PIEZO1: variants seen among roughly 807,000 people sequenced by gnomAD.
The protein encoded by PIEZO1 is piezo-type mechanosensitive ion channel component 1.
PIEZO1 carries 296 observed loss-of-function variants against 297.2 expected under a neutral mutation model. The ratio of observed to expected loss-of-function variants is 1.00; its 90% CI spans 0.91 to 1.10. The LOEUF is 1.10. Ranked by LOEUF, PIEZO1 falls within the 50% of genes least tolerant of loss-of-function variation. The pLI, the probability that PIEZO1 is intolerant of heterozygous loss-of-function variation, is 0.00. For missense variants in PIEZO1, 5,018 were observed against 3,455.5 expected (o/e 1.45, Z -11.34); for synonymous variants, 2,427 against 1,507.5 (o/e 1.61, Z -14.13).
Position 88,723,317 on chromosome 16 carries a change from C to T in PIEZO1, c.4347G>A (p.Gln1449=). 6.5e-7 allele frequency: 1 copy of T among 1,538,652 alleles called. No individual in the cohort carries two copies. ...SAQSAFQLAY[Q]AWVTNAQAVL... is the part of the protein sequence containing the mutation. ...CCGCCTGGGCGTTGGTCACCCATGCCTGGTACGCCAGCTGTCGGCCAGCCC... is the reference window on the plus strand; with the variant it reads ...CCGCCTGGGCGTTGGTCACCCATGCTTGGTACGCCAGCTGTCGGCCAGCCC... The change falls in exon 32 of 51, where the codon CAG becomes CAA. Residue 1449 remains glutamine, a synonymous_variant. Coordinates refer to ENST00000301015, the MANE Select transcript of PIEZO1 (RefSeq NM_001142864.4).
intron 1 of PIEZO1, among the ~76,000 whole-genome samples, chr16:88,764,543 G>C (rs1907080131): frequency 6.6e-6 from 1 of 152,092 alleles, no homozygotes; most frequent in Non-Finnish European, 1.5e-5. Context: ...ATGAGGTCAG[G>C]AGTTCGAGAC....
chr16:88,759,335 G>A lies in PIEZO1; in HGVS notation c.65-9856C>T, dbSNP rs150998259. Reference sequence around the variant, plus strand: ...AGCATGGGAAGCTCTGAAAGGGGCCGGGTGAGGGCAGGCGAGGATCAGAGT... The same window carrying A: ...AGCATGGGAAGCTCTGAAAGGGGCCAGGTGAGGGCAGGCGAGGATCAGAGT... On this transcript the variant is annotated intron_variant, in intron 1 of 50. Transcript: ENST00000301015. Among the ~76,000 whole-genome samples the A allele has an allele frequency of 3.6e-3, 555 of 152,328 alleles. 2 individuals are homozygous for A. The highest frequency in any genetic ancestry group is 0.013 in the African/African-American group (533 of 41,558).
chr16:88,757,831 A>G (rs1356488753), intron 1 of PIEZO1, among the ~76,000 whole-genome samples: 1 of 151,968 alleles, frequency 6.6e-6, no homozygotes. Flanking sequence ...CCAGCAAGAG[A>G]CTCAAGTCAC....
chr16:88,727,244 G>A, intron 23 of PIEZO1, 52 bp from the exon 24 acceptor site: 2 of 1,475,616 alleles, frequency 1.4e-6, no homozygotes, highest in East Asian at 5.0e-5. Context: ...ACACGAGGTG[G>A]GCACGGCGCA....
intron 2 of PIEZO1, among the ~76,000 whole-genome samples, chr16:88,747,641 C>T (rs577151063): frequency 1.3e-5 from 2 of 152,328 alleles, no homozygotes; most frequent in East Asian, 1.9e-4. Flanking sequence ...GCTGGCAGAA[C>T]GATGGACCCC....
Position 88,726,981 on chromosome 16 carries a change from C to T in PIEZO1, c.3456-23G>A, listed in dbSNP as rs745309461. 796 of 1,549,318 alleles carry T rather than the reference C, an allele frequency of 5.1e-4. 3 individuals carry two copies. Among genetic ancestry groups the T allele is most frequent in the Admixed American group, 1.0e-3 (52 of 50,996 alleles). ...GACCTGCCAGGCCGGAGCGTCAGGGCGGGCGCCCCGGCCACCCCTCCCAGA... is the reference window on the plus strand; with the variant it reads ...GACCTGCCAGGCCGGAGCGTCAGGGTGGGCGCCCCGGCCACCCCTCCCAGA... On this transcript the variant is annotated intron_variant, in intron 24 of 50. Coordinates refer to ENST00000301015, the MANE Select transcript of PIEZO1 (RefSeq NM_001142864.4).
chr16:88,755,669 C>T (rs1366981906), intron 1 of PIEZO1, among the ~76,000 whole-genome samples: 1 of 152,182 alleles, frequency 6.6e-6, no homozygotes, highest in Non-Finnish European at 1.5e-5. Flanking sequence ...GGTTGCTTTG[C>T]TTATACCGCC....
chr16:88,748,557 C>T (rs923992248), intron 2 of PIEZO1, among the ~76,000 whole-genome samples: 4 of 150,138 alleles, frequency 2.7e-5, no homozygotes, highest in East Asian at 1.9e-4. Context: ...AGCGGGAGGG[C>T]GGTCCAGGCG....
At position 88,719,966 on chromosome 16, in the gene PIEZO1, G is replaced by A. The variant is rs1224873527; in HGVS notation, c.6165-6C>T. The A allele has an allele frequency of 2.6e-6, 4 of 1,550,156 alleles. No individual in the cohort carries two copies. Among genetic ancestry groups the A allele is most frequent in the Non-Finnish European group, 2.6e-6 (3 of 1,146,854 alleles). Reference sequence around the variant, plus strand: ...CCACATTCTGGTTGAACATCCTGGGGCGGGATGGCCAGGTCAAGGACCCCA... The same window carrying A: ...CCACATTCTGGTTGAACATCCTGGGACGGGATGGCCAGGTCAAGGACCCCA... On this transcript the variant is annotated splice_polypyrimidine_tract_variant and splice_region_variant and intron_variant, in intron 42 of 50. Coordinates refer to ENST00000301015, the MANE Select transcript of PIEZO1 (RefSeq NM_001142864.4).
At chr16:88,760,014 T>G (rs879527522) in intron 1 of PIEZO1, among the ~76,000 whole-genome samples, 5 of 151,904 alleles carry the variant, frequency 3.3e-5, no homozygotes, top group Non-Finnish European at 7.4e-5. Flanking sequence ...GCTTCACTCC[T>G]TCTCCGCGCC....
rs1329969275 is a variant in PIEZO1 at position 88,731,390 on chromosome 16, C to T, written c.3196+316G>A. On this transcript the variant is annotated intron_variant, in intron 22 of 50. Transcript: ENST00000301015. ...CTTGGGTGTGAGGCATCACGGCCGA[C>T]CCGCACGGGGCCCGGAGAGGACGCA... 1.5e-5 allele frequency: 5 copies of T among 342,570 alleles called. No individual in the cohort carries two copies. The East Asian group carries it at 1.7e-4, about 12-fold the overall frequency. The allele number at this position is 342,570 out of a possible 1,614,324, so 21.2% of individuals were successfully genotyped here.
chr16:88,717,655 C>T (rs1461066215), intron 44 of PIEZO1: 2 of 449,230 alleles, frequency 4.5e-6, no homozygotes, highest in Non-Finnish European at 8.9e-6. Flanking sequence ...CAGATATTAC[C>T]AAAATAAATA....
intron 22 of PIEZO1, among the ~76,000 whole-genome samples, chr16:88,730,597 CAAAAAAAAAAA>C (rs59142015): frequency 2.3e-3 from 195 of 84,296 alleles, no homozygotes; most frequent in African/African-American, 9.3e-3. Flanking sequence ...GACTCCATCT[CAAAAAAAAAAA>C]AAAAAAAAAA....
chr16:88,716,604 T>C lies in PIEZO1; in HGVS notation c.6881A>G (p.Asn2294Ser), dbSNP rs759540004. 2 of 1,549,782 alleles carry C rather than the reference T, an allele frequency of 1.3e-6. No homozygotes were observed. Among genetic ancestry groups the C allele is most frequent in the Non-Finnish European group, 1.7e-6 (2 of 1,146,736 alleles). Reference protein sequence around the residue: ...SRAQMKRELYNGTADITLRFT... With the variant: ...SRAQMKRELYSGTADITLRFT... Reference sequence around the variant, plus strand: ...GCGCAGGGTGATGTCGGCCGTGCCGTTGTAGAGCTCCCGCTTCATCTGGGC... The same window carrying C: ...GCGCAGGGTGATGTCGGCCGTGCCGCTGTAGAGCTCCCGCTTCATCTGGGC... Residue 2294 changes from asparagine to serine, a missense_variant, in exon 47 of 51, where the codon AAC (asparagine) becomes AGC (serine). Asn to Ser is a conservative substitution (Grantham distance 46, BLOSUM62 1). Coordinates refer to ENST00000301015, the MANE Select transcript of PIEZO1 (RefSeq NM_001142864.4).
In PIEZO1 at chr16:88,734,516, G is replaced by C; in HGVS notation, c.2020C>G (p.Gln674Glu). 6.5e-7 allele frequency: 1 copy of C among 1,545,090 alleles called. No homozygotes were observed. The highest frequency in any genetic ancestry group is 8.7e-7 in the Non-Finnish European group (1 of 1,143,954). ...GAGAAGAGCTCGGACACGCTGAACTGCTCCAGGCCCAGGTCCCCCAGCCTG... is the reference window on the plus strand; with the variant it reads ...GAGAAGAGCTCGGACACGCTGAACTCCTCCAGGCCCAGGTCCCCCAGCCTG... Reference protein sequence around the residue: ...DEQLGDLGLEQFSVSELFSSI... With the variant: ...DEQLGDLGLEEFSVSELFSSI... The change falls in exon 16 of 51, where the codon CAG becomes GAG. Residue 674 changes from glutamine (Q) to glutamate (E), a missense_variant. Physicochemically the swap from Gln to Glu is conservative, Grantham distance 29 (BLOSUM62 2). Coordinates refer to ENST00000301015, the MANE Select transcript of PIEZO1 (RefSeq NM_001142864.4).
At chr16:88,749,831 C>T (rs1188248511) in intron 1 of PIEZO1, among the ~76,000 whole-genome samples, 1 of 152,168 alleles carries the variant, frequency 6.6e-6, no homozygotes, top group Admixed American at 6.5e-5. Flanking sequence ...AGTTCAAGAC[C>T]AGCCTGGCCA....
At chr16:88,734,573 C>T in intron 15 of PIEZO1, 35 bp from the exon 16 acceptor site, 2 of 1,545,394 alleles carry the variant, frequency 1.3e-6, no homozygotes, top group Non-Finnish European at 1.7e-6. Flanking sequence ...GGCCCGGCCC[C>T]CGGCAGAGCC....
In PIEZO1 at chr16:88,733,335, C is replaced by G. The variant is rs1224218624; in HGVS notation, c.2607G>C (p.Lys869Asn). 3 of 1,550,222 alleles carry G rather than the reference C, an allele frequency of 1.9e-6. No individual in the cohort carries two copies. The highest frequency in any genetic ancestry group is 1.7e-6 in the Non-Finnish European group (2 of 1,146,832). ...TGACAACCTTGAGCTGGTACAGCATCTTACACACGATGATGACGCAGGTCC... is the reference window on the plus strand; with the variant it reads ...TGACAACCTTGAGCTGGTACAGCATGTTACACACGATGATGACGCAGGTCC... Reference protein sequence around the residue: ...TVWTCVIIVCKMLYQLKVVNP... With the variant: ...TVWTCVIIVCNMLYQLKVVNP... Residue 869 changes from lysine to asparagine, a missense_variant, in exon 19 of 51, where the codon AAG (lysine) becomes AAC (asparagine). Transcript: ENST00000301015.
chr16:88,719,804 C>G lies in PIEZO1; in HGVS notation c.6321G>C (p.Gln2107His). Residue 2107 changes from glutamine to histidine, a missense_variant and splice_region_variant, in exon 43 of 51, where the codon CAG becomes CAC. Coordinates refer to ENST00000301015, the MANE Select transcript of PIEZO1 (RefSeq NM_001142864.4). ...CACCCCGGCGGACCTGCACTCACCC[C>G]TGGAAGAGGAAGAGGTTGAGATGAT... ...KYNHLNLFLFQGFRLVPFLVE... is the reference protein window; with the variant it reads ...KYNHLNLFLFHGFRLVPFLVE... 6.4e-7 allele frequency: 1 copy of G among 1,550,524 alleles called. No homozygotes were observed. Among genetic ancestry groups the G allele is most frequent in the African/African-American group, 1.4e-5 (1 of 73,186 alleles).
Sources: gnomAD v4.1 joint callset for allele counts (sites outside exome capture counted in the v4.1 genomes callset) on GRCh38, gnomAD v4.1.1 for gene constraint, MANE v1.5 for transcripts, NCBI Gene and HGNC (gene_info 2026-07-23, HGNC 2026-07-21) for gene names.